Variants in PEPD observed in about 807,000 individuals in gnomAD.
PEPD encodes the protein xaa-Pro dipeptidase.
PEPD carries 53 observed loss-of-function variants against 60.7 expected under a neutral mutation model. The ratio of observed to expected loss-of-function variants is 0.87; its 90% CI spans 0.70 to 1.10. The LOEUF is 1.10. Among genes scored for constraint, PEPD ranks in the 50% least tolerant of loss-of-function variants. The pLI is 0.00. For missense variants in PEPD, 711 were observed against 711.9 expected (o/e 1.00, Z 0.01); for synonymous variants, 267 against 284.1 (o/e 0.94, Z 0.60).
At chr19:33,501,125 G>A (rs1250782934) in intron 3 of PEPD, 124 bp from the exon 4 acceptor site, 16 of 744,406 alleles carry the variant, frequency 2.1e-5, no homozygotes, top group Admixed American at 5.6e-5. Context: ...TCAGCACCCA[G>A]CACCCAGCAC....
chr19:33,489,327 G>A (rs1425579730), intron 6 of PEPD, among the ~76,000 whole-genome samples: 1 of 152,100 alleles, frequency 6.6e-6, no homozygotes, highest in Non-Finnish European at 1.5e-5. Context: ...TTAATGGCTG[G>A]GACTAAGAGA....
chr19:33,503,564 A>G (rs1396561771), intron 3 of PEPD, among the ~76,000 whole-genome samples: 1 of 152,206 alleles, frequency 6.6e-6, no homozygotes, highest in Non-Finnish European at 1.5e-5. Flanking sequence ...GGAAGCCTAC[A>G]GACCCTTTGC....
At chr19:33,461,856 T>C (rs2145269792) in intron 9 of PEPD, among the ~76,000 whole-genome samples, 1 of 152,250 alleles carries the variant, frequency 6.6e-6, no homozygotes, top group South Asian at 2.1e-4. Context: ...GGAGCTGGGC[T>C]TCTGATTAAC....
In PEPD at chr19:33,512,557, A is replaced by T. The variant is rs776023509; in HGVS notation, c.201+36T>A. Reference sequence around the variant, plus strand: ...CTGCTCAGGACAGCAGCACCATCACACACCTGCTCACTTGTGGCCAAGCGG... The same window carrying T: ...CTGCTCAGGACAGCAGCACCATCACTCACCTGCTCACTTGTGGCCAAGCGG... On this transcript the variant is annotated intron_variant, in intron 2 of 14. Transcript: ENST00000244137. The T allele has an allele frequency of 5.0e-6, 8 of 1,600,920 alleles. No homozygotes were observed. In the South Asian group the frequency reaches 5.5e-5, roughly 11 times the overall value.
intron 9 of PEPD, among the ~76,000 whole-genome samples, chr19:33,457,287 T>G (rs554471835): frequency 4.5e-4 from 68 of 152,136 alleles, no homozygotes; most frequent in Admixed American, 7.8e-4. Flanking sequence ...AAAAATTAGC[T>G]GGGCAAGGTA....
At chr19:33,403,824 T>C (rs1263289374) in intron 11 of PEPD, among the ~76,000 whole-genome samples, 1 of 152,146 alleles carries the variant, frequency 6.6e-6, no homozygotes, top group Non-Finnish European at 1.5e-5. Flanking sequence ...ACACCTCAGG[T>C]GACTCTCAGG....
intron 9 of PEPD, among the ~76,000 whole-genome samples, chr19:33,455,678 ATTTTTTT>A (rs34754945): frequency 3.0e-5 from 4 of 134,620 alleles, no homozygotes; most frequent in African/African-American, 1.1e-4. Context: ...AATTAAAAAC[ATTTTTTT>A]TTTTTTTTTG....
At chr19:33,464,210 G>A in intron 7 of PEPD, 148 bp from the exon 8 acceptor site, 1 of 703,908 alleles carries the variant, frequency 1.4e-6, no homozygotes, top group Non-Finnish European at 2.6e-6. Context: ...CAAGGCCCAG[G>A]AGTGACAAGC....
chr19:33,400,352 T>G (rs1968460006), intron 12 of PEPD, among the ~76,000 whole-genome samples: 1 of 152,260 alleles, frequency 6.6e-6, no homozygotes. Context: ...GCCATTGTCC[T>G]GTGCCACTGC....
chr19:33,420,724 A>C (rs1295011284), intron 9 of PEPD, among the ~76,000 whole-genome samples: 1 of 149,542 alleles, frequency 6.7e-6, no homozygotes, highest in Non-Finnish European at 1.5e-5. Context: ...TAAATAAATA[A>C]ATAAAAATGA....
At chr19:33,467,148 C>T (rs867557532) in intron 7 of PEPD, among the ~76,000 whole-genome samples, 86 of 129,474 alleles carry the variant, frequency 6.6e-4, no homozygotes, top group African/African-American at 2.4e-3. Context: ...CAGAGCAAGA[C>T]TCCGTCTCAA....
At chr19:33,427,906 A>G (rs1344892002) in intron 9 of PEPD, among the ~76,000 whole-genome samples, 1 of 152,204 alleles carries the variant, frequency 6.6e-6, no homozygotes, top group Non-Finnish European at 1.5e-5. Flanking sequence ...GTGTGTGTGA[A>G]GCCTGCTCCC....
chr19:33,506,441 CACA>C (rs1271763632), intron 3 of PEPD, among the ~76,000 whole-genome samples: 1 of 147,328 alleles, frequency 6.8e-6, no homozygotes, highest in African/African-American at 2.5e-5. Context: ...CACACCCACA[CACA>C]ACACACTCAC....
At chr19:33,491,419 T>C (rs943933101) in intron 5 of PEPD, among the ~76,000 whole-genome samples, 1 of 152,228 alleles carries the variant, frequency 6.6e-6, no homozygotes, top group Non-Finnish European at 1.5e-5. Flanking sequence ...CACTGCACTC[T>C]AGCCGGGCAA....
At chr19:33,470,367 C>T (rs371092807) in intron 7 of PEPD, among the ~76,000 whole-genome samples, 24 of 152,220 alleles carry the variant, frequency 1.6e-4, no homozygotes, top group Non-Finnish European at 3.2e-4. Flanking sequence ...GCACAACTCA[C>T]GTAGGTGCAG....
intron 3 of PEPD, among the ~76,000 whole-genome samples, chr19:33,507,465 C>T (rs930495631): frequency 3.3e-5 from 5 of 152,208 alleles, no homozygotes; most frequent in Non-Finnish European, 7.3e-5. Context: ...AGGCTGCCCA[C>T]GGCCCCTGGC....
intron 6 of PEPD, among the ~76,000 whole-genome samples, chr19:33,480,894 C>T (rs1970302946): frequency 6.6e-6 from 1 of 151,836 alleles, no homozygotes; most frequent in Admixed American, 6.6e-5. Context: ...AGCAGCAGAA[C>T]AGCCATTTTC....
At chr19:33,481,381 A>G (rs191238339) in intron 6 of PEPD, among the ~76,000 whole-genome samples, 3 of 149,456 alleles carry the variant, frequency 2.0e-5, no homozygotes, top group African/African-American at 7.5e-5. Flanking sequence ...AGCCTGGCCA[A>G]CATTGCAAAA....
intron 12 of PEPD, among the ~76,000 whole-genome samples, chr19:33,398,148 C>G (rs973422137): frequency 2.0e-5 from 3 of 152,240 alleles, no homozygotes; most frequent in Non-Finnish European, 4.4e-5. Flanking sequence ...CCCTGCTCCC[C>G]GTGGCCTGGT....
Sources: gnomAD v4.1 joint callset for allele counts (sites outside exome capture counted in the v4.1 genomes callset) on GRCh38, gnomAD v4.1.1 for gene constraint, MANE v1.5 for transcripts, NCBI Gene and HGNC (gene_info 2026-07-23, HGNC 2026-07-21) for gene names.